The following XKR9 variants were observed in gnomAD, a reference collection of about 807,000 sequenced individuals.
XKR9 encodes XK related 9.
In XKR9, 32 loss-of-function variants were observed where a neutral mutation model predicts 32.0. The ratio of observed to expected loss-of-function variants is 1.00; its 90% confidence interval spans 0.76 to 1.34. XKR9 has a LOEUF of 1.34. Among genes scored for constraint, XKR9 ranks in the 40% most tolerant of loss-of-function variants. The probability of loss-of-function intolerance (pLI) is 0.00; values close to 1 mark genes in which losing one functional copy is unlikely to be tolerated. For synonymous variants in XKR9, 168 were observed against 143.4 expected, an observed-to-expected ratio of 1.17 and a Z score of -1.22; for missense variants, 546 against 429.7, an observed-to-expected ratio of 1.27 and a Z score of -2.39.
the XKR9 span, among the ~76,000 whole-genome samples, chr8:71,021,813 C>T: frequency 2.6e-5 from 4 of 152,258 alleles, no homozygotes; most frequent in East Asian, 7.7e-4. Context: ...TTGATGGTTT[C>T]TTTTGCTGTA....
At chr8:71,050,274 GATATAGATATAGATATAGATATAT>G in the XKR9 span, among the ~76,000 whole-genome samples, 39 of 54,406 alleles carry the variant, frequency 7.2e-4, no homozygotes, top group East Asian at 0.026. Context: ...TAGATAGATA[GATATAGATATAGATATAGATATAT>G]ATATAGATAT....
chr8:70,916,611 A>G, the XKR9 span, among the ~76,000 whole-genome samples: 32 of 152,254 alleles, frequency 2.1e-4, no homozygotes, highest in African/African-American at 7.5e-4. Flanking sequence ...TTCTTCTTCA[A>G]GATTAGCTTC....
chr8:70,983,500 G>T, the XKR9 span, among the ~76,000 whole-genome samples: 22 of 152,314 alleles, frequency 1.4e-4, 1 homozygote, highest in East Asian at 4.2e-3. Flanking sequence ...GCTTTATCAG[G>T]CCGGGCACAG....
rs1819017432 is a variant in XKR9, at chr8:70,679,896, A to G, written c.-278-885A>G. ...TGGTAAGTAAATGTTAGCTTTCATTAGTAGCATAAACATTTTCTCCAGTCA... is the reference window on the plus strand; with the variant it reads ...TGGTAAGTAAATGTTAGCTTTCATTGGTAGCATAAACATTTTCTCCAGTCA... On this transcript the variant is annotated intron_variant, in intron 2 of 4. Coordinates refer to ENST00000408926, the MANE Select transcript of XKR9 (RefSeq NM_001011720.2). 2.0e-5 allele frequency among the ~76,000 whole-genome samples: 3 copies of G among 152,196 alleles called. No individual in the cohort carries two copies. The South Asian group carries it at 6.2e-4, about 32-fold the overall frequency.
the XKR9 span, among the ~76,000 whole-genome samples, chr8:70,907,927 T>C: frequency 6.6e-6 from 1 of 152,260 alleles, no homozygotes; most frequent in Non-Finnish European, 1.5e-5. Flanking sequence ...AAGGAAATTA[T>C]TTTGTTTCAG....
intron 2 of XKR9, among the ~76,000 whole-genome samples, chr8:70,779,504 G>A (rs1203163728): frequency 6.6e-6 from 1 of 152,056 alleles, no homozygotes; most frequent in Non-Finnish European, 1.5e-5. Flanking sequence ...TTTTTCTATT[G>A]TTTGGAATAG....
the XKR9 span, among the ~76,000 whole-genome samples, chr8:71,047,456 C>T: frequency 3.9e-5 from 6 of 152,168 alleles, no homozygotes; most frequent in East Asian, 3.9e-4. Context: ...AGGCACATAT[C>T]GTAAAACCAC....
chr8:71,058,074 G>T, the XKR9 span, among the ~76,000 whole-genome samples: 111 of 152,156 alleles, frequency 7.3e-4, no homozygotes, highest in Non-Finnish European at 1.3e-3. Flanking sequence ...CCAACTACTC[G>T]AGAGGCTGAG....
chr8:70,824,496 C>T, the XKR9 span, among the ~76,000 whole-genome samples: 5 of 152,152 alleles, frequency 3.3e-5, no homozygotes, highest in Admixed American at 3.3e-4. Flanking sequence ...ATGCCTTTTA[C>T]TACTTCAGGA....
the XKR9 span, among the ~76,000 whole-genome samples, chr8:70,843,736 G>T: frequency 6.6e-6 from 1 of 152,148 alleles, no homozygotes; most frequent in Admixed American, 6.5e-5. Flanking sequence ...AGCAGCTTTT[G>T]CAGGCCCTAG....
intron 4 of XKR9, among the ~76,000 whole-genome samples, chr8:70,712,294 C>T (rs780470904): frequency 1.1e-4 from 16 of 151,968 alleles, no homozygotes; most frequent in Non-Finnish European, 1.8e-4. Flanking sequence ...GATAAAATAT[C>T]TTTAAAAATC....
chr8:71,020,683 A>G, the XKR9 span, among the ~76,000 whole-genome samples: 1 of 152,206 alleles, frequency 6.6e-6, no homozygotes, highest in South Asian at 2.1e-4. Flanking sequence ...GTATTTTGTT[A>G]TATAATTGGA....
At chr8:70,856,509 C>T in the XKR9 span, among the ~76,000 whole-genome samples, 20 of 152,178 alleles carry the variant, frequency 1.3e-4, no homozygotes, top group East Asian at 2.1e-3. Context: ...CTTAGACTCC[C>T]GCACAATAAT....
At chr8:70,724,441 A>C (rs925292841) in intron 4 of XKR9, among the ~76,000 whole-genome samples, 36 of 151,864 alleles carry the variant, frequency 2.4e-4, no homozygotes, top group African/African-American at 8.4e-4. Context: ...AAAAAAAAAA[A>C]AAAAACTCCT....
At chr8:70,685,778 A>C (rs1819252937) in intron 3 of XKR9, among the ~76,000 whole-genome samples, 1 of 147,908 alleles carries the variant, frequency 6.8e-6, no homozygotes, top group Non-Finnish European at 1.5e-5. Flanking sequence ...AGATATACCT[A>C]ATGCTAAATG....
chr8:70,811,763 G>A, the XKR9 span, among the ~76,000 whole-genome samples: 2 of 152,066 alleles, frequency 1.3e-5, no homozygotes, highest in Non-Finnish European at 2.9e-5. Context: ...TCTCAGAATA[G>A]ACCAATAACA....
intron 2 of XKR9, among the ~76,000 whole-genome samples, chr8:70,679,364 T>C (rs1162184795): frequency 1.3e-5 from 2 of 152,214 alleles, no homozygotes; most frequent in East Asian, 1.9e-4. Flanking sequence ...GGTTTATATG[T>C]ATTACATGTA....
chr8:70,811,722 A>T, the XKR9 span, among the ~76,000 whole-genome samples: 13 of 152,024 alleles, frequency 8.6e-5, no homozygotes, highest in African/African-American at 2.9e-4. Context: ...ACACATACAC[A>T]CTCCCAAGAC....
At chr8:70,708,812 C>G (rs977413957) in intron 4 of XKR9, among the ~76,000 whole-genome samples, 2 of 151,914 alleles carry the variant, frequency 1.3e-5, no homozygotes, top group Non-Finnish European at 2.9e-5. Context: ...TAACAAAAAA[C>G]CTACCAACCA....
Sources: gnomAD v4.1 joint callset for allele counts (sites outside exome capture counted in the v4.1 genomes callset) on GRCh38, gnomAD v4.1.1 for gene constraint, MANE v1.5 for transcripts, NCBI Gene and HGNC (gene_info 2026-07-23, HGNC 2026-07-21) for gene names.